Variants in EYA2 observed in about 807,000 individuals in gnomAD.
EYA2 encodes protein phosphatase EYA2.
EYA2 carries 31 observed loss-of-function variants against 69.2 expected under a neutral mutation model. That is an observed-to-expected ratio of 0.45 (90% CI 0.34 to 0.60). The LOEUF (loss-of-function observed/expected upper bound fraction) is 0.60, where lower values mean the gene tolerates loss of function less well. Among genes scored for constraint, EYA2 ranks in the 20% least tolerant of loss-of-function variants. The pLI is 0.02. For synonymous variants in EYA2, 257 were observed against 279.4 expected, an observed-to-expected ratio of 0.92 and a Z score of 0.80; for missense variants, 622 against 701.2, an observed-to-expected ratio of 0.89 and a Z score of 1.28.
At chr20:47,187,976 A>G in intron 15 of EYA2, 77 bp from the exon 16 acceptor site, 1 of 1,459,050 alleles carries the variant, frequency 6.9e-7, no homozygotes. Context: ...GACTTCTCAC[A>G]TGCCCTCTAA....
At chr20:47,076,325 C>T (rs897933279) in intron 7 of EYA2, among the ~76,000 whole-genome samples, 2 of 152,232 alleles carry the variant, frequency 1.3e-5, no homozygotes, top group Non-Finnish European at 2.9e-5. Flanking sequence ...TTCCCATGAA[C>T]AATGTATAAG....
At chr20:47,170,228 A>G (rs1038245366) in intron 11 of EYA2, among the ~76,000 whole-genome samples, 3 of 152,042 alleles carry the variant, frequency 2.0e-5, no homozygotes, top group Non-Finnish European at 4.4e-5. Flanking sequence ...TATTTTTAAT[A>G]TAACAATTGA....
At chr20:46,958,804 T>C (rs770682233) in intron 1 of EYA2, among the ~76,000 whole-genome samples, 1 of 152,238 alleles carries the variant, frequency 6.6e-6, no homozygotes, top group Non-Finnish European at 1.5e-5. Flanking sequence ...CTTGGTTTTC[T>C]GTTCCCGTGA....
chr20:46,933,933 C>A (rs1165773593), intron 1 of EYA2, among the ~76,000 whole-genome samples: 3 of 152,234 alleles, frequency 2.0e-5, no homozygotes, highest in African/African-American at 7.2e-5. Flanking sequence ...GAATTTACCC[C>A]ACAGTATTTA....
intron 9 of EYA2, among the ~76,000 whole-genome samples, chr20:47,141,816 A>G (rs2033602538): frequency 6.6e-6 from 1 of 152,224 alleles, no homozygotes; most frequent in Non-Finnish European, 1.5e-5. Context: ...ACTTTTGCCC[A>G]CATATCACTG....
intron 5 of EYA2, 84 bp downstream of exon 5, chr20:47,016,381 T>C: frequency 4.9e-6 from 5 of 1,025,142 alleles, no homozygotes; most frequent in Non-Finnish European, 7.7e-6. Flanking sequence ...ATTCAGCAGA[T>C]TTTTTGAGCA....
intron 9 of EYA2, among the ~76,000 whole-genome samples, chr20:47,128,811 T>C (rs1379318581): frequency 2.0e-5 from 3 of 152,122 alleles, no homozygotes; most frequent in Non-Finnish European, 4.4e-5. Context: ...AGTTCACACA[T>C]ATTCATATAT....
At chr20:47,158,315 A>G (rs1478762859) in intron 10 of EYA2, among the ~76,000 whole-genome samples, 1 of 151,978 alleles carries the variant, frequency 6.6e-6, no homozygotes, top group African/African-American at 2.4e-5. Context: ...CAGGAGTTTG[A>G]GACCAGCCTG....
At chr20:47,150,910 A>G (rs978795091) in intron 10 of EYA2, among the ~76,000 whole-genome samples, 5 of 152,018 alleles carry the variant, frequency 3.3e-5, no homozygotes, top group East Asian at 2.0e-4. Flanking sequence ...TGGGAAATGT[A>G]GTCTTTATTC....
chr20:47,069,350 C>A (rs941063295), intron 5 of EYA2, among the ~76,000 whole-genome samples: 2 of 152,090 alleles, frequency 1.3e-5, no homozygotes, highest in African/African-American at 4.8e-5. Flanking sequence ...AAAAAATTAA[C>A]TGGGCATAGT....
rs1210382545 is a variant in EYA2, at chr20:47,135,838, AAAACAAACAAACAAAC to A, written c.889-7217_889-7202del. 1.3e-3 allele frequency among the ~76,000 whole-genome samples: 103 copies of A among 81,664 alleles called. 5 individuals carry two copies. Among genetic ancestry groups the A allele is most frequent in the African/African-American group, 7.1e-3 (86 of 12,176 alleles). The allele number at this position is 81,664 out of a possible 152,430, so 53.6% of individuals were successfully genotyped here. A position where few individuals can be genotyped will look rare whatever the true frequency, so the allele number is the denominator to read the frequency against. On this transcript the variant is annotated intron_variant, in intron 9 of 15. Transcript: ENST00000327619. ...CTCTACAAAAAAAAAAAAAAAAAAA[AAAACAAACAAACAAAC>A]AAAAAACTAATTAATTAATTAATTA...
At chr20:47,012,479 A>G (rs1983130958) in intron 4 of EYA2, among the ~76,000 whole-genome samples, 1 of 152,210 alleles carries the variant, frequency 6.6e-6, no homozygotes, top group African/African-American at 2.4e-5. Context: ...TACCAGAAAA[A>G]TCAAATTAAA....
chr20:47,148,911 G>A (rs986163004), intron 10 of EYA2, among the ~76,000 whole-genome samples: 3 of 152,108 alleles, frequency 2.0e-5, no homozygotes, highest in Non-Finnish European at 4.4e-5. Context: ...TGCGGCCTCT[G>A]TCCCAGCCAA....
At chr20:47,185,307 T>C (rs2034617372) in intron 15 of EYA2, among the ~76,000 whole-genome samples, 1 of 49,918 alleles carries the variant, frequency 2.0e-5, no homozygotes, top group Non-Finnish European at 3.5e-5. Context: ...TTTTTTTTTT[T>C]TTTTTTTTTT....
intron 12 of EYA2, among the ~76,000 whole-genome samples, chr20:47,173,671 C>G (rs1342760182): frequency 6.6e-6 from 1 of 152,170 alleles, no homozygotes; most frequent in Non-Finnish European, 1.5e-5. Flanking sequence ...GATCTTCCCA[C>G]CTCAGCCTCC....
At chr20:46,910,454 G>T (rs1984589709) in intron 1 of EYA2, among the ~76,000 whole-genome samples, 1 of 152,106 alleles carries the variant, frequency 6.6e-6, no homozygotes, top group African/African-American at 2.4e-5. Context: ...ACTTGGGTGT[G>T]GACACGCATC....
chr20:47,052,229 T>G (rs1419950824), intron 5 of EYA2, among the ~76,000 whole-genome samples: 2 of 152,156 alleles, frequency 1.3e-5, no homozygotes, highest in East Asian at 3.9e-4. Context: ...AGAAAAAGCT[T>G]TAGAACCAGG....
intron 1 of EYA2, among the ~76,000 whole-genome samples, chr20:46,948,032 G>A (rs6018200): frequency 6.8e-4 from 102 of 149,682 alleles, no homozygotes; most frequent in African/African-American, 2.3e-3. Context: ...TGGGAGGATC[G>A]CTTGAGCCCA....
intron 12 of EYA2, among the ~76,000 whole-genome samples, chr20:47,174,578 C>T (rs963239049): frequency 2.6e-5 from 4 of 152,286 alleles, no homozygotes; most frequent in East Asian, 1.9e-4. Context: ...ACAGACTTCC[C>T]GTCGTGTTCA....
Sources: allele counts gnomAD v4.1 joint callset (sites outside exome capture counted in the v4.1 genomes callset), GRCh38; gene constraint gnomAD v4.1.1; transcripts MANE v1.5; gene names NCBI Gene and HGNC (gene_info 2026-07-23, HGNC 2026-07-21).